Variants in ZCCHC10 observed in about 807,000 individuals in gnomAD.
ZCCHC10 encodes the protein zinc finger CCHC domain-containing protein 10.
A neutral mutation model predicts 19.5 loss-of-function variants in ZCCHC10; 16 were observed. The observed-to-expected ratio is 0.82, with a 90% CI of 0.56 to 1.25. The LOEUF is 1.25. Among genes scored for constraint, ZCCHC10 ranks in the 50% most tolerant of loss-of-function variants. The pLI is 0.00. For synonymous variants in ZCCHC10, 67 were observed against 72.5 expected, an observed-to-expected ratio of 0.92 and a Z score of 0.38; for missense variants, 197 against 201.0, an observed-to-expected ratio of 0.98 and a Z score of 0.12.
intron 1 of ZCCHC10, among the ~76,000 whole-genome samples, chr5:133,025,910 A>T (rs1319208847): frequency 6.6e-6 from 1 of 152,146 alleles, no homozygotes; most frequent in Non-Finnish European, 1.5e-5. Context: ...GAAAGCAAGG[A>T]TTTTGTCTTG....
At chr5:132,999,285 C>A (rs1762619492) in intron 4 of ZCCHC10, among the ~76,000 whole-genome samples, 1 of 152,162 alleles carries the variant, frequency 6.6e-6, no homozygotes, top group African/African-American at 2.4e-5. Flanking sequence ...AGCATGTTAT[C>A]CTTAGGTTTG....
At chr5:133,020,151 T>A (rs11242132) in intron 2 of ZCCHC10, among the ~76,000 whole-genome samples, 6 of 151,542 alleles carry the variant, frequency 4.0e-5, no homozygotes, top group Non-Finnish European at 8.8e-5. Context: ...GGCAACATAG[T>A]GACACCCTGC....
intron 2 of ZCCHC10, among the ~76,000 whole-genome samples, chr5:133,010,414 C>A (rs1255773848): frequency 6.6e-6 from 1 of 151,706 alleles, no homozygotes; most frequent in Non-Finnish European, 1.5e-5. Context: ...GAACAAGAGG[C>A]AAAACTGTGG....
chr5:133,008,537 C>CAAAAAA (rs567424776), intron 2 of ZCCHC10, among the ~76,000 whole-genome samples: 7 of 98,414 alleles, frequency 7.1e-5, no homozygotes, highest in African/African-American at 1.2e-4. Context: ...GACTCCATCT[C>CAAAAAA]AAAAAAAAAA....
chr5:133,005,313 C>T (rs1040100739), intron 3 of ZCCHC10, among the ~76,000 whole-genome samples: 1 of 150,002 alleles, frequency 6.7e-6, no homozygotes, highest in Non-Finnish European at 1.5e-5. Flanking sequence ...AAATTTTTTA[C>T]TCTAAAAAAT....
intron 3 of ZCCHC10, among the ~76,000 whole-genome samples, chr5:133,006,243 C>T (rs975633047): frequency 6.6e-6 from 1 of 152,112 alleles, no homozygotes; most frequent in African/African-American, 2.4e-5. Flanking sequence ...GCCACCCCGC[C>T]CAGCCAATTC....
chr5:133,023,746 G>A (rs936776305), intron 1 of ZCCHC10, among the ~76,000 whole-genome samples: 2 of 150,060 alleles, frequency 1.3e-5, no homozygotes, highest in South Asian at 4.2e-4. Flanking sequence ...ACTCCAGCCT[G>A]GGCAACAAGA....
At chr5:133,000,210 A>G (rs752923788) in intron 3 of ZCCHC10, 37 bp from the exon 4 acceptor site, 7 of 1,612,764 alleles carry the variant, frequency 4.3e-6, no homozygotes, top group South Asian at 3.3e-5. Context: ...TCCTGTTAAT[A>G]GAGTGATTAT....
At chr5:133,009,306 T>G (rs546862324) in intron 2 of ZCCHC10, among the ~76,000 whole-genome samples, 1 of 151,750 alleles carries the variant, frequency 6.6e-6, no homozygotes, top group East Asian at 2.0e-4. Flanking sequence ...CCCTGCCTGA[T>G]TCTGTCTCTT....
intron 3 of ZCCHC10, among the ~76,000 whole-genome samples, chr5:133,003,575 T>TA (rs1168550789): frequency 6.6e-6 from 1 of 152,104 alleles, no homozygotes; most frequent in African/African-American, 2.4e-5. Context: ...AGGCTGTTCT[T>TA]AGACTTCTGG....
chr5:133,008,915 A>G (rs929890287), intron 2 of ZCCHC10, among the ~76,000 whole-genome samples: 6 of 152,072 alleles, frequency 3.9e-5, no homozygotes, highest in African/African-American at 1.4e-4. Flanking sequence ...TGGGAAGCTG[A>G]GATAGGAGGT....
intron 2 of ZCCHC10, among the ~76,000 whole-genome samples, chr5:133,020,684 A>G (rs79294248): frequency 0.012 from 1,807 of 151,398 alleles, 21 homozygotes; most frequent in South Asian, 0.029. Context: ...AGGACATAAG[A>G]TCATTAGACA....
rs561201368 is a variant in ZCCHC10, at chr5:133,009,267, T to A, written c.108-2347A>T. Among the ~76,000 whole-genome samples the A allele has an allele frequency of 5.9e-5, 9 of 151,990 alleles. 1 individual carries two copies. The South Asian group carries it at 1.9e-3, about 32-fold the overall frequency. On this transcript the variant is annotated intron_variant, in intron 2 of 4. Coordinates refer to ENST00000509437, the MANE Select transcript of ZCCHC10 (RefSeq NM_001300816.3). ...ATCCACCTACTTCGGCCTCCCAAAG[T>A]GCTGGGATTACGGGCATGAGCCACT...
Position 132,998,567 on chromosome 5 carries a change from T to C in ZCCHC10, c.*16A>G. 6.2e-7 allele frequency: 1 copy of C among 1,606,900 alleles called. No homozygotes were observed. The highest frequency in any genetic ancestry group is 8.5e-7 in the Non-Finnish European group (1 of 1,176,730). Reference sequence around the variant, plus strand: ...CAATGTTTTCAGTCCATCAGTCCAATATGAATGGAGCAACTCTATTTCTTT... The same window carrying C: ...CAATGTTTTCAGTCCATCAGTCCAACATGAATGGAGCAACTCTATTTCTTT... On this transcript the variant is annotated 3_prime_UTR_variant, in exon 5 of 5. Coordinates refer to ENST00000509437, the MANE Select transcript of ZCCHC10 (RefSeq NM_001300816.3).
intron 2 of ZCCHC10, among the ~76,000 whole-genome samples, chr5:133,012,112 G>T (rs751649615): frequency 8.0e-6 from 1 of 125,156 alleles, no homozygotes; most frequent in Non-Finnish European, 1.6e-5. Context: ...ACCCTAGCCT[G>T]AGCGACAGAG....
chr5:133,016,034 T>C (rs1763897351), intron 2 of ZCCHC10, among the ~76,000 whole-genome samples: 1 of 152,216 alleles, frequency 6.6e-6, no homozygotes, highest in African/African-American at 2.4e-5. Flanking sequence ...TGGGAGCTCC[T>C]TCAAGCTGGA....
chr5:132,999,088 G>C (rs1163708006), intron 4 of ZCCHC10, among the ~76,000 whole-genome samples: 3 of 151,870 alleles, frequency 2.0e-5, no homozygotes, highest in African/African-American at 7.3e-5. Context: ...GATGATTTTT[G>C]TATTTTTAGT....
At chr5:133,000,233 C>G (rs777821585) in intron 3 of ZCCHC10, 60 bp from the exon 4 acceptor site, 1 of 1,587,018 alleles carries the variant, frequency 6.3e-7, no homozygotes, top group South Asian at 1.1e-5. Context: ...ACAGCTCAGA[C>G]AAGCCCTTCT....
At chr5:133,025,290 G>C (rs976774419) in intron 1 of ZCCHC10, among the ~76,000 whole-genome samples, 1 of 151,832 alleles carries the variant, frequency 6.6e-6, no homozygotes, top group African/African-American at 2.4e-5. Flanking sequence ...GGATCTCGAG[G>C]TCAGGGGATC....
Sources: allele counts gnomAD v4.1 joint callset (sites outside exome capture counted in the v4.1 genomes callset), GRCh38; gene constraint gnomAD v4.1.1; transcripts MANE v1.5; gene names NCBI Gene and HGNC (gene_info 2026-07-23, HGNC 2026-07-21).